The following ANKFN1 variants were observed in gnomAD, a reference collection of about 807,000 sequenced individuals.
The protein encoded by ANKFN1 is ankyrin repeat and fibronectin type-III domain-containing protein 1.
In ANKFN1, 74 loss-of-function variants were observed where a neutral mutation model predicts 108.7. The observed-to-expected ratio is 0.68, with a 90% CI of 0.56 to 0.83. The LOEUF is 0.83. Ranked by LOEUF, ANKFN1 falls within the 40% of genes least tolerant of loss-of-function variation. ANKFN1 has a pLI of 0.00. For missense variants in ANKFN1, 1,505 were observed against 1,382.3 expected (o/e 1.09, Z -1.41); for synonymous variants, 547 against 516.2 (o/e 1.06, Z -0.81).
intron 6 of ANKFN1, among the ~76,000 whole-genome samples, chr17:56,372,258 G>C (rs2046830089): frequency 6.6e-6 from 1 of 152,132 alleles, no homozygotes; most frequent in African/African-American, 2.4e-5. Context: ...GGGTCTTCCT[G>C]GCCATACGGA....
intron 8 of ANKFN1, among the ~76,000 whole-genome samples, chr17:56,381,680 G>A (rs1029883554): frequency 2.6e-5 from 4 of 152,180 alleles, no homozygotes; most frequent in African/African-American, 7.2e-5. Flanking sequence ...GGAAGAAAGG[G>A]TATCAGTGAT....
At chr17:56,334,790 A>G (rs1271537463) in intron 4 of ANKFN1, among the ~76,000 whole-genome samples, 1 of 152,208 alleles carries the variant, frequency 6.6e-6, no homozygotes, top group Non-Finnish European at 1.5e-5. Flanking sequence ...TAAAACCACC[A>G]TAAAGAATGG....
At position 56,516,399 on chromosome 17, in the gene ANKFN1, TG is replaced by T. The variant is rs2051918379; in HGVS notation, c.*5132del. Among the ~76,000 whole-genome samples, 1 of 152,194 alleles carries T rather than the reference TG, an allele frequency of 6.6e-6. No homozygotes were observed. ...TGTACATAGCAATCTGGCTGATTATTGGTTGTTACTTGTTCAGAATTTATTG... is the reference window on the plus strand; with the variant it reads ...TGTACATAGCAATCTGGCTGATTATTGTTGTTACTTGTTCAGAATTTATTG... On this transcript the variant is annotated 3_prime_UTR_variant, in exon 21 of 21. Coordinates refer to ENST00000682825, the MANE Select transcript of ANKFN1 (RefSeq NM_001370326.1).
At chr17:56,062,699 T>G (rs1904996171) in intron 4 of ANKFN1, among the ~76,000 whole-genome samples, 1 of 152,152 alleles carries the variant, frequency 6.6e-6, no homozygotes, top group African/African-American at 2.4e-5. Flanking sequence ...AATTTGCCAG[T>G]CTGTGTCTTT....
intron 1 of ANKFN1, among the ~76,000 whole-genome samples, chr17:56,154,327 T>TCC (rs1054057864): frequency 2.3e-4 from 35 of 152,152 alleles, no homozygotes; most frequent in African/African-American, 8.2e-4. Flanking sequence ...CTACTTCACT[T>TCC]CCCCTCAGGA....
intron 15 of ANKFN1, among the ~76,000 whole-genome samples, chr17:56,473,848 C>A (rs1018005384): frequency 6.6e-6 from 1 of 151,992 alleles, no homozygotes; most frequent in Non-Finnish European, 1.5e-5. Flanking sequence ...GTGAGTTACT[C>A]CATCCCAGAA....
intron 1 of ANKFN1, among the ~76,000 whole-genome samples, chr17:56,194,653 A>G (rs2143716087): frequency 6.6e-6 from 1 of 152,310 alleles, no homozygotes; most frequent in East Asian, 1.9e-4. Context: ...TCTGTATGAT[A>G]CTATAGTGTT....
chr17:56,397,558 A>G (rs2047624065), intron 8 of ANKFN1, among the ~76,000 whole-genome samples: 1 of 152,196 alleles, frequency 6.6e-6, no homozygotes, highest in African/African-American at 2.4e-5. Flanking sequence ...AATGAGATTA[A>G]CTATATTCTA....
rs544118048 is a variant in ANKFN1, at chr17:56,511,518, T to C, written c.*249T>C. Reference sequence around the variant, plus strand: ...AGTTGTGTCAACATGGAATACGACATACAGTGACTCAAACATGCCACCCTG... The same window carrying C: ...AGTTGTGTCAACATGGAATACGACACACAGTGACTCAAACATGCCACCCTG... On this transcript the variant is annotated 3_prime_UTR_variant, in exon 21 of 21. Transcript: ENST00000682825. 20 of 474,824 alleles carry C rather than the reference T, an allele frequency of 4.2e-5. No homozygotes were observed. Among genetic ancestry groups the C allele is most frequent in the African/African-American group, 4.0e-4 (20 of 50,590 alleles). The allele number at this position is 474,824 out of a possible 1,614,324, so 29.4% of individuals were successfully genotyped here.
intron 1 of ANKFN1, chr17:56,174,497 T>A: frequency 1.2e-6 from 1 of 841,882 alleles, no homozygotes; most frequent in Non-Finnish European, 1.4e-6. Flanking sequence ...TCCCCCTCCA[T>A]GGAGTCTCTC....
At chr17:56,282,189 A>G (rs1367404747) in intron 3 of ANKFN1, among the ~76,000 whole-genome samples, 3 of 152,326 alleles carry the variant, frequency 2.0e-5, no homozygotes, top group Middle Eastern at 3.4e-3. Context: ...ATGAATTTCA[A>G]AAACATGTTG....
intron 11 of ANKFN1, among the ~76,000 whole-genome samples, chr17:56,451,467 A>G (rs965611940): frequency 6.6e-5 from 10 of 152,208 alleles, no homozygotes; most frequent in Admixed American, 6.5e-4. Context: ...TATTATTACA[A>G]AATTTTTATT....
intron 4 of ANKFN1, among the ~76,000 whole-genome samples, chr17:56,131,595 A>C (rs1027292852): frequency 6.6e-6 from 1 of 152,238 alleles, no homozygotes; most frequent in Non-Finnish European, 1.5e-5. Context: ...TAATCACCCA[A>C]GAATCCAGAA....
chr17:56,124,245 A>G (rs969270044), intron 4 of ANKFN1, among the ~76,000 whole-genome samples: 1 of 152,134 alleles, frequency 6.6e-6, no homozygotes, highest in African/African-American at 2.4e-5. Context: ...TTTTTATCCT[A>G]ATATAATGTG....
intron 14 of ANKFN1, among the ~76,000 whole-genome samples, chr17:56,464,347 G>A (rs115687193): frequency 0.018 from 2,697 of 152,188 alleles, 72 homozygotes; most frequent in African/African-American, 0.061. Flanking sequence ...ACATTTTCCG[G>A]CGTCTTAATG....
chr17:56,079,646 G>C (rs1045399482), intron 4 of ANKFN1, among the ~76,000 whole-genome samples: 2 of 151,932 alleles, frequency 1.3e-5, no homozygotes, highest in African/African-American at 2.4e-5. Context: ...GCTGGATAAA[G>C]AAAAAGAGAA....
At chr17:56,117,011 T>G (rs1906323255) in intron 4 of ANKFN1, among the ~76,000 whole-genome samples, 1 of 152,166 alleles carries the variant, frequency 6.6e-6, no homozygotes, top group South Asian at 2.1e-4. Flanking sequence ...ATAAAAAAGT[T>G]AAAAATTTTT....
In ANKFN1 at chr17:56,510,831, G is replaced by C; in HGVS notation, c.3003G>C (p.Lys1001Asn). Residue 1001 changes from lysine (K) to asparagine (N), a missense_variant, in exon 21 of 21, where the codon AAG becomes AAC. Lys to Asn is a moderately conservative substitution (Grantham distance 94). Coordinates refer to ENST00000682825, the MANE Select transcript of ANKFN1 (RefSeq NM_001370326.1). The part of the protein sequence containing the change: ...RPPLGFLGKR[K>N]PGKHPHYGGF... ...CGCTAGGCTTCCTGGGAAAGCGGAA[G>C]CCAGGCAAGCACCCCCACTATGGCG... 2 of 1,536,206 alleles carry C rather than the reference G, an allele frequency of 1.3e-6. No homozygotes were observed. Among genetic ancestry groups the C allele is most frequent in the Non-Finnish European group, 1.7e-6 (2 of 1,146,924 alleles).
chr17:56,323,334 G>A (rs1020332170), intron 3 of ANKFN1: 1 of 152,544 alleles, frequency 6.6e-6, no homozygotes, highest in Non-Finnish European at 1.5e-5. Flanking sequence ...ACTTCTCTCA[G>A]AACCAGAGAA....
Sources: gnomAD v4.1 joint callset for allele counts (sites outside exome capture counted in the v4.1 genomes callset) on GRCh38, gnomAD v4.1.1 for gene constraint, MANE v1.5 for transcripts, NCBI Gene and HGNC (gene_info 2026-07-23, HGNC 2026-07-21) for gene names.